Variants in DBN1 observed in about 807,000 individuals in gnomAD.
The protein encoded by DBN1 is drebrin 1.
DBN1 carries 21 observed loss-of-function variants against 83.5 expected under a neutral mutation model. The ratio of observed to expected loss-of-function variants is 0.25; its 90% confidence interval spans 0.18 to 0.36. The LOEUF (loss-of-function observed/expected upper bound fraction) is 0.36, where lower values mean the gene tolerates loss of function less well. Among genes scored for constraint, DBN1 ranks in the 10% least tolerant of loss-of-function variants. The pLI is 1.00. For missense variants in DBN1, 874 were observed against 935.7 expected, an observed-to-expected ratio of 0.93 and a Z score of 0.86; for synonymous variants, 381 against 384.9, an observed-to-expected ratio of 0.99 and a Z score of 0.12.
At chr5:177,464,885 T>C (rs1036485288) in intron 8 of DBN1, among the ~76,000 whole-genome samples, 1 of 151,666 alleles carries the variant, frequency 6.6e-6, no homozygotes, top group Non-Finnish European at 1.5e-5. Context: ...CCGGGTGCAG[T>C]GGCTCACGCC....
At chr5:177,462,215 C>T in intron 8 of DBN1, 1 of 985,440 alleles carries the variant, frequency 1.0e-6, no homozygotes, top group South Asian at 4.7e-5. Flanking sequence ...GGCCCCCACC[C>T]CAAGGCTCCC....
At chr5:177,465,147 C>T (rs565717527) in intron 8 of DBN1, among the ~76,000 whole-genome samples, 7 of 152,054 alleles carry the variant, frequency 4.6e-5, no homozygotes, top group Admixed American at 2.0e-4. Flanking sequence ...AGCGAGATTC[C>T]GTCTCAAAAA....
chr5:177,460,409 C>G, intron 10 of DBN1, 23 bp downstream of exon 10: 1 of 1,612,712 alleles, frequency 6.2e-7, no homozygotes, highest in Non-Finnish European at 8.5e-7. Flanking sequence ...TGGGGCCGGA[C>G]GGGGGGTGGG....
At chr5:177,464,462 A>T (rs1757267065) in intron 8 of DBN1, among the ~76,000 whole-genome samples, 1 of 150,922 alleles carries the variant, frequency 6.6e-6, no homozygotes, top group South Asian at 2.1e-4. Context: ...ATAAAAATAA[A>T]TAAATAAATA....
At position 177,457,669 on chromosome 5, in the gene DBN1, T is replaced by A. The variant is rs750207937; in HGVS notation, c.2003A>T (p.Tyr668Phe). 2 of 1,602,882 alleles carry A rather than the reference T, an allele frequency of 1.2e-6. No individual in the cohort carries two copies. Among genetic ancestry groups the A allele is most frequent in the Admixed American group, 1.7e-5 (1 of 59,796 alleles). Residue 668 changes from tyrosine to phenylalanine, a missense_variant, in exon 14 of 15, where the codon TAC (tyrosine) becomes TTC (phenylalanine). This residue lies in a region of DBN1 where 725 missense variants were observed against 719.7 expected (regional missense o/e 1.01). Coordinates refer to ENST00000393565, the MANE Select transcript of DBN1 (RefSeq NM_001363541.2). ...CCCAGTACTACCTGGAGGCTTGTTG[T>A]AGAACACAGGAGGCGGAGCCTTGGC... ...LCAKAPPPVF[Y>F]NKPPEIDITC...
chr5:177,467,536 G>A lies in DBN1; in HGVS notation c.422C>T (p.Ser141Phe), dbSNP rs1013501907. Reference sequence around the variant, plus strand: ...CCGCAGTCGGTGCAGCACAGGGCTGGAGAGTCGCGCCAGCCCGTTAGAGAG... The same window carrying A: ...CCGCAGTCGGTGCAGCACAGGGCTGAAGAGTCGCGCCAGCCCGTTAGAGAG... The part of the protein sequence containing the change: ...QRLSNGLARL[S>F]SPVLHRLRLR... Residue 141 changes from serine (S) to phenylalanine (F), a missense_variant, in exon 5 of 15, where the codon TCC becomes TTC. Physicochemically the swap from Ser to Phe is radical, Grantham distance 155. Coordinates refer to ENST00000393565, the MANE Select transcript of DBN1 (RefSeq NM_001363541.2). This position sits in a 1 kb window ranked among gnomAD's most constrained non-coding sequence, Gnocchi z 9.1. 1 of 1,567,362 alleles carries A rather than the reference G, an allele frequency of 6.4e-7. No homozygotes were observed. Among genetic ancestry groups the A allele is most frequent in the African/African-American group, 1.4e-5 (1 of 73,630 alleles).
Position 177,458,464 on chromosome 5 carries a change from G to C in DBN1, c.1508C>G (p.Thr503Ser). Residue 503 changes from threonine (T) to serine (S), a missense_variant, in exon 13 of 15, where the codon ACT becomes AGT. Around this residue, in one of 4 missense-constraint regions of DBN1, gnomAD observed 725 missense variants for 719.7 expected, o/e 1.01. Coordinates refer to ENST00000393565, the MANE Select transcript of DBN1 (RefSeq NM_001363541.2). ...HDAADTIETD[T>S]ATADTTVANN... ...GGCAACAGTGGTGTCAGCAGTGGCAGTGTCAGTTTCAATGGTGTCAGCTGC... is the reference window on the plus strand; with the variant it reads ...GGCAACAGTGGTGTCAGCAGTGGCACTGTCAGTTTCAATGGTGTCAGCTGC... 1 of 1,613,822 alleles carries C rather than the reference G, an allele frequency of 6.2e-7. No individual in the cohort carries two copies. Among genetic ancestry groups the C allele is most frequent in the Admixed American group, 1.7e-5 (1 of 60,034 alleles).
intron 8 of DBN1, chr5:177,462,129 G>A: frequency 1.3e-6 from 1 of 778,168 alleles, no homozygotes; most frequent in Non-Finnish European, 1.6e-6. Context: ...GTTTTGGGTG[G>A]GCAGCGCCCG....
In DBN1 at chr5:177,458,110, G is replaced by A. The variant is rs142417578; in HGVS notation, c.1862C>T (p.Pro621Leu). Reference protein sequence around the residue: ...ALEELEQEQEPEPHLLTNGET... With the variant: ...ALEELEQEQELEPHLLTNGET... ...GCCATTGGTTAGCAGGTGGGGCTCCGGCTCCTGCTCTTGCTCCAGCTCCTC... is the reference window on the plus strand; with the variant it reads ...GCCATTGGTTAGCAGGTGGGGCTCCAGCTCCTGCTCTTGCTCCAGCTCCTC... The change falls in exon 13 of 15, where the codon CCG (proline) becomes CTG (leucine). Residue 621 changes from proline to leucine, a missense_variant. Pro to Leu is a moderately conservative substitution (Grantham distance 98, BLOSUM62 -3). Coordinates refer to ENST00000393565, the MANE Select transcript of DBN1 (RefSeq NM_001363541.2). 1.4e-3 allele frequency: 2,269 copies of A among 1,613,706 alleles called. No homozygotes were observed. Among genetic ancestry groups the A allele is most frequent in the Non-Finnish European group, 1.8e-3 (2,106 of 1,180,020 alleles).
intron 1 of DBN1, chr5:177,472,640 T>G: frequency 2.2e-6 from 1 of 449,446 alleles, no homozygotes; most frequent in Non-Finnish European, 3.2e-6. Flanking sequence ...TCAGCCGTCT[T>G]TGGGGGCTCC....
Position 177,460,483 on chromosome 5 carries a change from A to G in DBN1, c.904T>C (p.Ser302Pro). 6.2e-7 allele frequency: 1 copy of G among 1,614,078 alleles called. No individual in the cohort carries two copies. The highest frequency in any genetic ancestry group is 8.5e-7 in the Non-Finnish European group (1 of 1,179,968). Residue 302 changes from serine (S) to proline (P), a missense_variant, in exon 10 of 15, where the codon TCG becomes CCG. Physicochemically the swap from Ser to Pro is moderately conservative, Grantham distance 74 (BLOSUM62 -1). Coordinates refer to ENST00000393565, the MANE Select transcript of DBN1 (RefSeq NM_001363541.2). ...ACATCACAGCTGCCCGCAGAGGCCG[A>G]TGCGACTCTTTCCTGCTGCTTGAAG... Reference protein sequence around the residue: ...EFFKQQERVASASAGSCDVPS... With the variant: ...EFFKQQERVAPASAGSCDVPS...
chr5:177,472,254 G>A, intron 1 of DBN1: 1 of 1,611,768 alleles, frequency 6.2e-7, no homozygotes, highest in Non-Finnish European at 8.5e-7. Flanking sequence ...GTCCCCACCT[G>A]GCTGCCCTCC....
intron 2 of DBN1, 49 bp from the exon 3 acceptor site, chr5:177,468,269 C>G (rs1252647810): frequency 6.6e-7 from 1 of 1,526,140 alleles, no homozygotes; most frequent in South Asian, 1.1e-5. Context: ...TAAACCCTTC[C>G]CAAAAAGAGC....
chr5:177,472,145 G>A lies in DBN1; in HGVS notation c.86+1291C>T, dbSNP rs369476395. ...TGCAGGACACGAGAGCTTGTCTCTC[G>A]CGTCCATCCCTCCAGGCCTGGCTGC... is the stretch of plus-strand genomic sequence containing the variant. On this transcript the variant is annotated intron_variant, in intron 1 of 14. Transcript: ENST00000393565. The A allele has an allele frequency of 2.6e-5, 42 of 1,612,324 alleles. No individual in the cohort carries two copies. The African/African-American group carries it at 2.8e-4, about 11-fold the overall frequency.
chr5:177,458,262 G>T lies in DBN1; in HGVS notation c.1710C>A (p.Gly570=), dbSNP rs781090525. 2 of 1,613,566 alleles carry T rather than the reference G, an allele frequency of 1.2e-6. No homozygotes were observed. Among genetic ancestry groups the T allele is most frequent in the Non-Finnish European group, 1.7e-6 (2 of 1,179,894 alleles). Residue 570 remains glycine (G), a synonymous_variant, in exon 13 of 15, where the codon GGC becomes GGA. Coordinates refer to ENST00000393565, the MANE Select transcript of DBN1 (RefSeq NM_001363541.2). ...AGTTGAGAAGGGTGGCACAGCCTTC[G>T]CCTGCTGGCAGCAGTGGCTCCGGAG... The part of the protein sequence containing the change: ...EVAPEPLLPA[G]EGCATLLNFD...
rs1216001555 is a variant in DBN1, at chr5:177,459,752, GAC to G, written c.956-14_956-13del. The stretch of plus-strand genomic sequence containing the variant: ...GCAGTACGGACGACCTGCCGAGAGA[GAC>G]AGACAGAGAAAGAGACAGAGGACAA... On this transcript the variant is annotated splice_polypyrimidine_tract_variant and intron_variant, in intron 10 of 14. Transcript: ENST00000393565. The G allele has an allele frequency of 1.4e-6, 2 of 1,479,534 alleles. No individual in the cohort carries two copies. The highest frequency in any genetic ancestry group is 1.8e-6 in the Non-Finnish European group (2 of 1,111,016). The allele number at this position is 1,479,534 out of a possible 1,614,324, so 91.7% of individuals were successfully genotyped here.
At chr5:177,473,352 G>A (rs1035165172) in intron 1 of DBN1, 84 bp downstream of exon 1, 26 of 798,654 alleles carry the variant, frequency 3.3e-5, no homozygotes, top group Non-Finnish European at 4.0e-5. Flanking sequence ...CCTTCCCGGC[G>A]GCGGGGCGGC....
intron 1 of DBN1, among the ~76,000 whole-genome samples, chr5:177,470,828 C>T (rs375562361): frequency 2.0e-5 from 3 of 152,174 alleles, no homozygotes; most frequent in African/African-American, 4.8e-5. Context: ...AGAGGCACCC[C>T]GAGCCTGGTG....
At chr5:177,459,371 TG>T in intron 11 of DBN1, 103 bp from the exon 12 acceptor site, 1 of 1,501,744 alleles carries the variant, frequency 6.7e-7, no homozygotes, top group Non-Finnish European at 8.8e-7. Flanking sequence ...GGAATCTGGG[TG>T]GGGGCTGGGA....
Sources: allele counts gnomAD v4.1 joint callset (sites outside exome capture counted in the v4.1 genomes callset), GRCh38; gene constraint gnomAD v4.1.1; regional missense constraint gnomAD v4.1.1; non-coding constraint Gnocchi (gnomAD v3.1); transcripts MANE v1.5; gene names NCBI Gene and HGNC (gene_info 2026-07-23, HGNC 2026-07-21).